The following ZNHIT6 variants were observed in gnomAD, a reference collection of about 807,000 sequenced individuals.
The protein encoded by ZNHIT6 is zinc finger HIT-type containing 6, also known as box C/D snoRNA protein 1.
ZNHIT6 carries 45 observed loss-of-function variants against 57.2 expected under a neutral mutation model. The observed-to-expected ratio is 0.79, with a 90% CI of 0.62 to 1.01. ZNHIT6 has a LOEUF of 1.01. ZNHIT6 is among the 50% of genes least tolerant of loss of function. The probability of loss-of-function intolerance (pLI) is 0.00; values close to 1 mark genes in which losing one functional copy is unlikely to be tolerated. For missense variants in ZNHIT6, 528 were observed against 567.3 expected (o/e 0.93, Z 0.70); for synonymous variants, 188 against 190.0 (o/e 0.99, Z 0.09).
chr1:85,677,706 C>G (rs1017173279), intron 7 of ZNHIT6, among the ~76,000 whole-genome samples: 11 of 152,200 alleles, frequency 7.2e-5, no homozygotes, highest in Non-Finnish European at 1.6e-4. Context: ...CTGGTTCAGT[C>G]TGGGCATGAC....
At position 85,651,898 on chromosome 1, in the gene ZNHIT6, T is replaced by C. The variant is rs761370503; in HGVS notation, c.*2160A>G. 4 of 152,226 alleles carry C rather than the reference T, an allele frequency of 2.6e-5. No homozygotes were observed. The highest frequency in any genetic ancestry group is 5.9e-5 in the Non-Finnish European group (4 of 68,038). 9.4% of individuals were successfully genotyped at this position (152,226 alleles called of 1,614,324 possible). ...CATTGGTAATTCACTAAAACACACG[T>C]GTATTGTAAATCTTACGGGAAAAAA... On this transcript the variant is annotated 3_prime_UTR_variant, in exon 10 of 10. Coordinates refer to ENST00000370574, the MANE Select transcript of ZNHIT6 (RefSeq NM_017953.4).
At chr1:85,658,906 ATGT>A (rs747348654) in intron 8 of ZNHIT6, among the ~76,000 whole-genome samples, 3 of 152,068 alleles carry the variant, frequency 2.0e-5, no homozygotes, top group African/African-American at 4.8e-5. Context: ...AATAATATTT[ATGT>A]TGTTATTTTT....
At position 85,706,329 on chromosome 1, in the gene ZNHIT6, G is replaced by T. The variant is rs764384845; in HGVS notation, c.749C>A (p.Ala250Glu). 1.2e-6 allele frequency: 2 copies of T among 1,613,852 alleles called. No homozygotes were observed. Among genetic ancestry groups the T allele is most frequent in the Admixed American group, 3.3e-5 (2 of 60,006 alleles). ...CSLPCVKKHK[A>E]ELTCNGVRDK... ...TCGAACTCCATTACATGTCAGTTCT[G>T]CTTTGTGTTTCTTTACACAGGGCAA... Residue 250 changes from alanine (A) to glutamate (E), a missense_variant, in exon 3 of 10, where the codon GCA becomes GAA. By Grantham distance (107) the Ala-to-Glu change is moderately radical. Coordinates refer to ENST00000370574, the MANE Select transcript of ZNHIT6 (RefSeq NM_017953.4).
intron 5 of ZNHIT6, among the ~76,000 whole-genome samples, chr1:85,690,372 CT>C (rs1662182199): frequency 6.6e-6 from 1 of 152,186 alleles, no homozygotes; most frequent in African/African-American, 2.4e-5. Context: ...GCTTTTGCTT[CT>C]GATATTCTCA....
chr1:85,679,497 CTACT>C (rs896849649), intron 6 of ZNHIT6, among the ~76,000 whole-genome samples: 3 of 150,378 alleles, frequency 2.0e-5, no homozygotes. Flanking sequence ...GCTAAATATA[CTACT>C]TAAAGAGCAA....
At position 85,652,510 on chromosome 1, in the gene ZNHIT6, C is replaced by A. The variant is rs565953833; in HGVS notation, c.*1548G>T. ...TTCTCAAGTTGCAAGGACTCACTTT[C>A]TATGAACTTTCTATGAATCACATTC... On this transcript the variant is annotated 3_prime_UTR_variant, in exon 10 of 10. Transcript: ENST00000370574. 2 of 152,302 alleles carry A rather than the reference C, an allele frequency of 1.3e-5. No homozygotes were observed. The highest frequency in any genetic ancestry group is 3.9e-4 in the East Asian group (2 of 5,182). 9.4% of individuals were successfully genotyped at this position (152,302 alleles called of 1,614,324 possible).
chr1:85,652,328 A>G lies in ZNHIT6; in HGVS notation c.*1730T>C, dbSNP rs1043148788. 3 of 152,228 alleles carry G rather than the reference A, an allele frequency of 2.0e-5. No homozygotes were observed. Among genetic ancestry groups the G allele is most frequent in the Non-Finnish European group, 4.4e-5 (3 of 68,026 alleles). 9.4% of individuals were successfully genotyped at this position (152,228 alleles called of 1,614,324 possible). A position where few individuals can be genotyped will look rare whatever the true frequency, so the allele number is the denominator to read the frequency against. ...TCATCTATTTCTTGCTGGTTTCAAG[A>G]AGACACATTTCACTTTTGATTATAA... On this transcript the variant is annotated 3_prime_UTR_variant, in exon 10 of 10. Transcript: ENST00000370574.
intron 5 of ZNHIT6, among the ~76,000 whole-genome samples, chr1:85,683,156 G>A (rs1224534116): frequency 1.3e-5 from 2 of 152,168 alleles, no homozygotes; most frequent in Admixed American, 6.5e-5. Flanking sequence ...GATTAAGGCT[G>A]CAGTGAACTG....
At chr1:85,692,067 G>A (rs1032053013) in intron 5 of ZNHIT6, among the ~76,000 whole-genome samples, 2 of 152,126 alleles carry the variant, frequency 1.3e-5, no homozygotes, top group African/African-American at 4.8e-5. Context: ...TTCTCAGGAG[G>A]CTGAGGCAGG....
chr1:85,707,199 T>C, intron 1 of ZNHIT6, among the ~76,000 whole-genome samples: 1 of 152,216 alleles, frequency 6.6e-6, no homozygotes, highest in East Asian at 1.9e-4. Flanking sequence ...ACAGCACCCA[T>C]GAAGAAGCTT....
intron 1 of ZNHIT6, among the ~76,000 whole-genome samples, chr1:85,707,359 T>C (rs1662713628): frequency 6.6e-6 from 1 of 152,180 alleles, no homozygotes; most frequent in Admixed American, 6.5e-5. Flanking sequence ...TTCCAACTGA[T>C]CTTTTGGTCC....
intron 6 of ZNHIT6, among the ~76,000 whole-genome samples, chr1:85,680,409 C>G (rs958462370): frequency 1.3e-5 from 2 of 152,078 alleles, no homozygotes; most frequent in African/African-American, 4.8e-5. Flanking sequence ...TTAACAACCA[C>G]CCAGCTGAAG....
chr1:85,667,156 G>C (rs1332090975), intron 8 of ZNHIT6, among the ~76,000 whole-genome samples: 1 of 152,130 alleles, frequency 6.6e-6, no homozygotes, highest in Admixed American at 6.6e-5. Context: ...GGCAGACCTA[G>C]GTTTGGATCT....
In ZNHIT6 at chr1:85,653,923, A is replaced by G; in HGVS notation, c.*135T>C. The G allele has an allele frequency of 1.5e-6, 1 of 658,044 alleles. No homozygotes were observed. Among genetic ancestry groups the G allele is most frequent in the Non-Finnish European group, 2.6e-6 (1 of 379,688 alleles). The allele number at this position is 658,044 out of a possible 1,614,324, so 40.8% of individuals were successfully genotyped here. ...GGTTATAAAATACATTTTTTAAAAG[A>G]GTTAAGCTTATTTTTCATACAAAGA... On this transcript the variant is annotated 3_prime_UTR_variant, in exon 10 of 10. Transcript: ENST00000370574.
intron 8 of ZNHIT6, among the ~76,000 whole-genome samples, chr1:85,661,721 T>G (rs994387393): frequency 6.6e-6 from 1 of 152,242 alleles, no homozygotes. Flanking sequence ...GTTTAGCTCC[T>G]TTGCAAGCCA....
Position 85,708,243 on chromosome 1 carries a change from A to T in ZNHIT6, c.42T>A (p.Gly14=). Residue 14 remains glycine, a synonymous_variant, in exon 1 of 10, where the codon GGT becomes GGA. Transcript: ENST00000370574. The stretch of plus-strand genomic sequence containing the variant: ...GCACCCCCTCAGCTACGCTGTGGAG[A>T]CCTCCCCCAGACTTCCCTTCATTTT... The part of the protein sequence containing the change: ...AAENEGKSGG[G]LHSVAEGVRL... The T allele has an allele frequency of 1.2e-6, 2 of 1,609,338 alleles. No homozygotes were observed. The highest frequency in any genetic ancestry group is 1.7e-6 in the Non-Finnish European group (2 of 1,176,840).
In ZNHIT6 at chr1:85,706,144, A is replaced by T; in HGVS notation, c.849T>A (p.Asp283Glu). 6.2e-7 allele frequency: 1 copy of T among 1,613,930 alleles called. No individual in the cohort carries two copies. The highest frequency in any genetic ancestry group is 8.5e-7 in the Non-Finnish European group (1 of 1,179,890). ...NLLSDYRFLE[D>E]VARTADHISR... ...AAATATGGTCCGCTGTTCTTGCCAC[A>T]TCTTCCAAAAATCGATAATCTAAAA... Residue 283 changes from aspartate to glutamate, a missense_variant, in exon 4 of 10, where the codon GAT becomes GAA. Coordinates refer to ENST00000370574, the MANE Select transcript of ZNHIT6 (RefSeq NM_017953.4).
rs535072622 is a variant in ZNHIT6 at position 85,657,530 on chromosome 1, T to C, written c.1372+317A>G. Among the ~76,000 whole-genome samples, 103 of 151,674 alleles carry C rather than the reference T, an allele frequency of 6.8e-4. 1 individual carries two copies. Among genetic ancestry groups the C allele is most frequent in the Non-Finnish European group, 1.6e-4 (11 of 67,876 alleles). On this transcript the variant is annotated intron_variant, in intron 9 of 9. Coordinates refer to ENST00000370574, the MANE Select transcript of ZNHIT6 (RefSeq NM_017953.4). Reference sequence around the variant, plus strand: ...ACTATGGAGTAAATGTACGTGATCATGGACAGTTACTTAAAGACTATTAGC... The same window carrying C: ...ACTATGGAGTAAATGTACGTGATCACGGACAGTTACTTAAAGACTATTAGC...
chr1:85,673,355 C>T (rs978708147), intron 8 of ZNHIT6, among the ~76,000 whole-genome samples: 1 of 152,060 alleles, frequency 6.6e-6, no homozygotes, highest in African/African-American at 2.4e-5. Flanking sequence ...AGATCAGTAG[C>T]GAATTCCTTA....
Sources: allele counts gnomAD v4.1 joint callset (sites outside exome capture counted in the v4.1 genomes callset), GRCh38; gene constraint gnomAD v4.1.1; transcripts MANE v1.5; gene names NCBI Gene and HGNC (gene_info 2026-07-23, HGNC 2026-07-21).